The following CACNA1C variants were observed in gnomAD, a reference collection of about 807,000 sequenced individuals.
CACNA1C encodes the protein calcium voltage-gated channel subunit alpha1 C, also known as voltage-dependent L-type calcium channel subunit alpha-1C.
Under a neutral mutation model 229.0 loss-of-function variants are expected in CACNA1C, and 30 were observed. That is an observed-to-expected ratio of 0.13 (90% CI 0.10 to 0.18). CACNA1C has a LOEUF of 0.18. CACNA1C is among the 10% of genes least tolerant of loss of function. CACNA1C has a pLI of 1.00. For missense variants in CACNA1C, 1,658 were observed against 2,845.0 expected (o/e 0.58, Z 9.49); for synonymous variants, 1,114 against 1,132.5 (o/e 0.98, Z 0.33).
intron 3 of CACNA1C, among the ~76,000 whole-genome samples, chr12:2,340,012 A>G (rs1274425178): frequency 9.2e-5 from 14 of 152,250 alleles, no homozygotes; most frequent in Admixed American, 8.5e-4. Flanking sequence ...TAAAAACTAT[A>G]TGTAATGACT....
chr12:2,189,688 G>A (rs531965649), intron 3 of CACNA1C, among the ~76,000 whole-genome samples: 27 of 152,274 alleles, frequency 1.8e-4, no homozygotes, highest in South Asian at 6.2e-4. Flanking sequence ...GCCATCTTCC[G>A]CCATTGTGAT....
At chr12:2,452,171 T>C (rs1360088102) in intron 4 of CACNA1C, among the ~76,000 whole-genome samples, 1 of 152,170 alleles carries the variant, frequency 6.6e-6, no homozygotes, top group African/African-American at 2.4e-5. Context: ...TGGACCTGCC[T>C]GCCTACTGCC....
intron 3 of CACNA1C, among the ~76,000 whole-genome samples, chr12:2,427,788 T>C (rs2099046852): frequency 6.6e-6 from 1 of 152,022 alleles, no homozygotes; most frequent in Admixed American, 6.5e-5. Context: ...GCCCACCTAA[T>C]TTTGTATTTT....
At chr12:2,682,877 CACCACA>C (rs1223198550) in intron 43 of CACNA1C, among the ~76,000 whole-genome samples, 199 bp downstream of exon 43, 1 of 62,328 alleles carries the variant, frequency 1.6e-5, no homozygotes. Flanking sequence ...AACACACACA[CACCACA>C]CACACACACA....
chr12:2,180,505 C>T (rs1469856045), intron 3 of CACNA1C, among the ~76,000 whole-genome samples: 1 of 152,240 alleles, frequency 6.6e-6, no homozygotes, highest in Non-Finnish European at 1.5e-5. Flanking sequence ...AGGATCTTCT[C>T]TGCTCAAAGA....
chr12:2,212,257 C>T (rs1372202340), intron 3 of CACNA1C, among the ~76,000 whole-genome samples: 1 of 152,226 alleles, frequency 6.6e-6, no homozygotes, highest in Non-Finnish European at 1.5e-5. Context: ...TTCCTGAGCA[C>T]TCATCAGCCT....
In CACNA1C at chr12:2,504,363, C is replaced by A; in HGVS notation, c.1114-479C>A. On this transcript the variant is annotated intron_variant, in intron 7 of 46. Transcript: ENST00000399655. This position sits in a 1 kb window ranked among gnomAD's most constrained non-coding sequence, Gnocchi z 6.8. Reference sequence around the variant, plus strand: ...CCCGTCTGTCCCCTCCCAATCTGCTCACACCTGCTGCCTGCCTCTTTGCTG... The same window carrying A: ...CCCGTCTGTCCCCTCCCAATCTGCTAACACCTGCTGCCTGCCTCTTTGCTG... 1.2e-6 allele frequency: 1 copy of A among 849,212 alleles called. No individual in the cohort carries two copies. Among genetic ancestry groups the A allele is most frequent in the South Asian group, 1.4e-5 (1 of 71,624 alleles). The allele number at this position is 849,212 out of a possible 1,614,324, so 52.6% of individuals were successfully genotyped here.
At chr12:2,236,202 A>T (rs909971279) in intron 3 of CACNA1C, among the ~76,000 whole-genome samples, 7 of 152,198 alleles carry the variant, frequency 4.6e-5, no homozygotes, top group African/African-American at 1.7e-4. Context: ...CCCAAGAGCC[A>T]TCTGGGGATC....
chr12:2,376,875 A>C (rs1230418794), intron 3 of CACNA1C, among the ~76,000 whole-genome samples: 1 of 152,206 alleles, frequency 6.6e-6, no homozygotes, highest in Non-Finnish European at 1.5e-5. Context: ...CTAAGAATGC[A>C]GAACCCCTGC....
intron 3 of CACNA1C, among the ~76,000 whole-genome samples, chr12:2,303,033 C>T (rs1266809252): frequency 6.6e-6 from 1 of 152,230 alleles, no homozygotes; most frequent in Non-Finnish European, 1.5e-5. Context: ...GTGCAGAGCT[C>T]CTCCTTCTCC....
chr12:2,049,765 C>T (rs934092387), upstream of CACNA1C, among the ~76,000 whole-genome samples: 9 of 152,156 alleles, frequency 5.9e-5, no homozygotes, highest in African/African-American at 2.2e-4. Flanking sequence ...AATGCAGACT[C>T]CCTCCTCTGC....
rs112680750 is a variant in CACNA1C, at chr12:2,120,656, C to CTGTGTGTGTG, written c.477+258_477+267dup. On this transcript the variant is annotated intron_variant, in intron 3 of 46. Coordinates refer to ENST00000399655, the MANE Select transcript of CACNA1C (RefSeq NM_000719.7). ...TATTCCAGTTAGGTGGTGGTGAGCT[C>CTGTGTGTGTG]TGTGTGTGTGTGTGTGTGTGTGTGT... 5.1e-3 allele frequency among the ~76,000 whole-genome samples: 717 copies of CTGTGTGTGTG among 139,848 alleles called. 5 individuals carry two copies. Among genetic ancestry groups the CTGTGTGTGTG allele is most frequent in the African/African-American group, 0.014 (529 of 36,810 alleles). The allele number at this position is 139,848 out of a possible 152,430, so 91.7% of individuals were successfully genotyped here. A position where few individuals can be genotyped will look rare whatever the true frequency, so the allele number is the denominator to read the frequency against.
chr12:2,198,009 C>A (rs2238051), intron 3 of CACNA1C, among the ~76,000 whole-genome samples: 104,251 of 152,044 alleles, frequency 0.69, 37,401 homozygotes, highest in African/African-American at 0.9. Context: ...CTCCTAAATG[C>A]ATTTTTACTA....
chr12:1,985,623 A>G (rs2037472722), intron 1 of CACNA1C, among the ~76,000 whole-genome samples: 1 of 152,004 alleles, frequency 6.6e-6, no homozygotes, highest in Admixed American at 6.6e-5. Context: ...AGTTTGGCAT[A>G]TTTTCCTGGC....
In CACNA1C at chr12:1,996,642, A is replaced by C. The variant is rs1001275461; in HGVS notation, c.139+25441A>C. Among the ~76,000 whole-genome samples the C allele has an allele frequency of 2.9e-4, 34 of 116,804 alleles. 1 individual carries two copies. Among genetic ancestry groups the C allele is most frequent in the African/African-American group, 1.0e-3 (28 of 28,006 alleles). The allele number at this position is 116,804 out of a possible 152,430, so 76.6% of individuals were successfully genotyped here. On this transcript the variant is annotated intron_variant, in intron 1 of 46. Coordinates refer to the CACNA1C transcript ENST00000682462. ...AAAAAAAAAAAAAAAAAAAAAAAAA[A>C]AAAAAAAAAAAAACAACAAACTCTT...
chr12:2,317,302 G>A (rs1449558255), intron 3 of CACNA1C, among the ~76,000 whole-genome samples: 1 of 152,218 alleles, frequency 6.6e-6, no homozygotes, highest in Non-Finnish European at 1.5e-5. Context: ...AATGTGAAAT[G>A]TGATTGCAAG....
chr12:2,668,068 T>C (rs183251072), intron 37 of CACNA1C, among the ~76,000 whole-genome samples: 2 of 152,330 alleles, frequency 1.3e-5, no homozygotes, highest in African/African-American at 4.8e-5. Flanking sequence ...AGCATATTTG[T>C]CAATACACAG....
At chr12:2,442,353 A>AC (rs141998665) in intron 3 of CACNA1C, among the ~76,000 whole-genome samples, 5,755 of 152,064 alleles carry the variant, frequency 0.038, 358 homozygotes, top group African/African-American at 0.13. Flanking sequence ...GTGGCCATGG[A>AC]CCCCCCAGTT....
At position 2,215,346 on chromosome 12, in the gene CACNA1C, G is replaced by A. The variant is rs2059710579; in HGVS notation, c.477+94916G>A. ...ATCCTGGTCAGTGGATCAGGTGGTGGTGCTGAGGGCTCTGTTACCCTGATG... is the reference window on the plus strand; with the variant it reads ...ATCCTGGTCAGTGGATCAGGTGGTGATGCTGAGGGCTCTGTTACCCTGATG... On this transcript the variant is annotated intron_variant, in intron 3 of 46. Transcript: ENST00000399655. The surrounding 1 kb of genome is among the most constrained non-coding windows in gnomAD (Gnocchi z 5.0). 1.3e-5 allele frequency among the ~76,000 whole-genome samples: 2 copies of A among 152,140 alleles called. No individual in the cohort carries two copies. The highest frequency in any genetic ancestry group is 6.5e-5 in the Admixed American group (1 of 15,282).
Sources: allele counts gnomAD v4.1 joint callset (sites outside exome capture counted in the v4.1 genomes callset), GRCh38; gene constraint gnomAD v4.1.1; non-coding constraint Gnocchi (gnomAD v3.1); transcripts MANE v1.5; gene names NCBI Gene and HGNC (gene_info 2026-07-23, HGNC 2026-07-21).